The following FHIT variants were observed in gnomAD, a reference collection of about 807,000 sequenced individuals.
FHIT encodes the protein bis(5'-adenosyl)-triphosphatase.
Under a neutral mutation model 17.9 loss-of-function variants are expected in FHIT, and 19 were observed. That is an observed-to-expected ratio of 1.06 (90% CI 0.74 to 1.56). The LOEUF (loss-of-function observed/expected upper bound fraction) is 1.56, where lower values mean the gene tolerates loss of function less well. Among genes scored for constraint, FHIT ranks in the 40% most tolerant of loss-of-function variants. The probability of loss-of-function intolerance (pLI) is 0.00; values close to 1 mark genes in which losing one functional copy is unlikely to be tolerated. For missense variants in FHIT, 248 were observed against 189.2 expected, an observed-to-expected ratio of 1.31 and a Z score of -1.82; for synonymous variants, 81 against 69.7, an observed-to-expected ratio of 1.16 and a Z score of -0.81.
chr3:60,250,067 G>A (rs1202622835), intron 5 of FHIT, among the ~76,000 whole-genome samples: 1 of 151,892 alleles, frequency 6.6e-6, no homozygotes, highest in Non-Finnish European at 1.5e-5. Context: ...TGCTATTCAA[G>A]GTGAGATCTG....
At chr3:60,259,271 G>T in intron 5 of FHIT, among the ~76,000 whole-genome samples, 1 of 152,244 alleles carries the variant, frequency 6.6e-6, no homozygotes, top group Middle Eastern at 3.4e-3. Flanking sequence ...ATAGACACTA[G>T]TTTTCATTCA....
rs368953560 is a variant in FHIT, at chr3:59,749,705, G to A, written c.*6-126C>T. On this transcript the variant is annotated intron_variant, in intron 9 of 9. Coordinates refer to ENST00000492590, the MANE Select transcript of FHIT (RefSeq NM_002012.4). Reference sequence around the variant, plus strand: ...GGGACTTTTGGTTACGAAGAAGTGGGCCAAAGTGCAGCCTGATTAATGCTT... The same window carrying A: ...GGGACTTTTGGTTACGAAGAAGTGGACCAAAGTGCAGCCTGATTAATGCTT... 18 of 230,202 alleles carry A rather than the reference G, an allele frequency of 7.8e-5. 1 individual carries two copies. In the South Asian group the frequency reaches 2.5e-3, roughly 33 times the overall value. 14.3% of individuals were successfully genotyped at this position (230,202 alleles called of 1,614,324 possible).
At chr3:60,529,404 G>A (rs979392981) in intron 5 of FHIT, among the ~76,000 whole-genome samples, 1 of 152,128 alleles carries the variant, frequency 6.6e-6, no homozygotes, top group South Asian at 2.1e-4. Context: ...GTTTTGATAT[G>A]TGCATGAAAT....
intron 5 of FHIT, among the ~76,000 whole-genome samples, chr3:60,070,079 G>C (rs1382618767): frequency 6.6e-6 from 1 of 152,056 alleles, no homozygotes; most frequent in Non-Finnish European, 1.5e-5. Flanking sequence ...CCCTCACAAG[G>C]TGTGGACCAT....
chr3:60,441,890 G>A (rs1183241844), intron 5 of FHIT, among the ~76,000 whole-genome samples: 4 of 137,172 alleles, frequency 2.9e-5, no homozygotes, highest in Non-Finnish European at 6.2e-5. Context: ...ACAAGGACTC[G>A]CTCTGTCACC....
intron 3 of FHIT, among the ~76,000 whole-genome samples, chr3:60,910,556 C>T (rs1306645514): frequency 4.6e-5 from 7 of 151,938 alleles, no homozygotes; most frequent in East Asian, 1.9e-4. Context: ...GGACTACAGG[C>T]GCCCACCACC....
intron 5 of FHIT, among the ~76,000 whole-genome samples, chr3:60,185,908 T>A (rs530810317): frequency 7.2e-5 from 11 of 152,236 alleles, no homozygotes; most frequent in African/African-American, 2.7e-4. Flanking sequence ...ACATGTGACG[T>A]TGAACATCTT....
At chr3:61,166,216 T>G (rs368194503) in intron 2 of FHIT, among the ~76,000 whole-genome samples, 7 of 152,354 alleles carry the variant, frequency 4.6e-5, no homozygotes, top group Admixed American at 2.0e-4. Flanking sequence ...TGCTATCTGA[T>G]CTTCACAAAC....
At chr3:60,598,908 G>A (rs1057350786) in intron 4 of FHIT, among the ~76,000 whole-genome samples, 1 of 152,166 alleles carries the variant, frequency 6.6e-6, no homozygotes, top group Non-Finnish European at 1.5e-5. Flanking sequence ...GCAGTCTGGT[G>A]AAAGTGTTCT....
At chr3:60,569,050 A>G (rs536131255) in intron 4 of FHIT, among the ~76,000 whole-genome samples, 4 of 151,934 alleles carry the variant, frequency 2.6e-5, no homozygotes, top group South Asian at 4.2e-4. Context: ...AGGCCTTCCA[A>G]CTCTGGGCTT....
intron 4 of FHIT, among the ~76,000 whole-genome samples, chr3:60,538,580 T>C (rs1214512478): frequency 6.6e-6 from 1 of 152,112 alleles, no homozygotes; most frequent in Non-Finnish European, 1.5e-5. Context: ...ATGGTACTGG[T>C]ACCAAAACAG....
chr3:60,765,836 G>T (rs1180966517), intron 4 of FHIT, among the ~76,000 whole-genome samples: 3 of 152,180 alleles, frequency 2.0e-5, no homozygotes, highest in African/African-American at 7.2e-5. Context: ...AAGAAGGTGC[G>T]ATAAGCTGGC....
intron 3 of FHIT, among the ~76,000 whole-genome samples, chr3:60,951,613 C>T (rs1240461876): frequency 6.6e-6 from 1 of 152,192 alleles, no homozygotes; most frequent in Non-Finnish European, 1.5e-5. Flanking sequence ...TATGCTTAAC[C>T]CACTTACCAT....
intron 3 of FHIT, among the ~76,000 whole-genome samples, chr3:61,012,906 G>T (rs1022872447): frequency 6.0e-4 from 91 of 151,616 alleles, no homozygotes; most frequent in African/African-American, 2.0e-3. Context: ...TGAGACAAAT[G>T]AATGAAATAT....
At position 60,068,063 on chromosome 3, in the gene FHIT, C is replaced by T. The variant is rs573515009; in HGVS notation, c.104-53911G>A. On this transcript the variant is annotated intron_variant, in intron 5 of 9. Coordinates refer to ENST00000492590, the MANE Select transcript of FHIT (RefSeq NM_002012.4). ...CCAGCCTGGTCAACGTGGTGAAACC[C>T]CGTCTCTACTAAAAAAACAAAAATT... is the stretch of plus-strand genomic sequence containing the variant. Among the ~76,000 whole-genome samples the T allele has an allele frequency of 1.4e-3, 217 of 152,044 alleles. 1 individual carries two copies. Among genetic ancestry groups the T allele is most frequent in the African/African-American group, 4.7e-3 (195 of 41,464 alleles).
intron 8 of FHIT, among the ~76,000 whole-genome samples, chr3:59,893,221 A>T (rs1703929637): frequency 6.6e-6 from 1 of 152,204 alleles, no homozygotes; most frequent in Non-Finnish European, 1.5e-5. Flanking sequence ...TAGCCTATTC[A>T]TTAGTAGCAC....
intron 4 of FHIT, among the ~76,000 whole-genome samples, chr3:60,579,852 A>G: frequency 6.6e-6 from 1 of 152,254 alleles, no homozygotes; most frequent in African/African-American, 2.4e-5. Flanking sequence ...CAGCCCAGGT[A>G]ACAAAATGCA....
chr3:60,715,567 A>G (rs1443530331), intron 4 of FHIT, among the ~76,000 whole-genome samples: 1 of 145,176 alleles, frequency 6.9e-6, no homozygotes, highest in Non-Finnish European at 1.5e-5. Flanking sequence ...TGGGAATTGA[A>G]CAATGAGAAC....
intron 3 of FHIT, among the ~76,000 whole-genome samples, chr3:60,984,651 C>T (rs967541996): frequency 6.6e-6 from 1 of 152,116 alleles, no homozygotes; most frequent in Non-Finnish European, 1.5e-5. Context: ...AAGTTCCAAA[C>T]TAAAGGATAG....
Sources: allele counts gnomAD v4.1 joint callset (sites outside exome capture counted in the v4.1 genomes callset), GRCh38; gene constraint gnomAD v4.1.1; transcripts MANE v1.5; gene names NCBI Gene and HGNC (gene_info 2026-07-23, HGNC 2026-07-21).